XKR4: variants seen among roughly 807,000 people sequenced by gnomAD.
The protein encoded by XKR4 is XK related 4.
XKR4 carries 12 observed loss-of-function variants against 53.9 expected under a neutral mutation model. The observed-to-expected ratio is 0.22, with a 90% confidence interval of 0.14 to 0.36. The LOEUF (loss-of-function observed/expected upper bound fraction) is 0.36, where lower values mean the gene tolerates loss of function less well. Ranked by LOEUF, XKR4 falls within the 10% of genes least tolerant of loss-of-function variation. The pLI is 1.00. For missense variants in XKR4, 799 were observed against 859.5 expected, an observed-to-expected ratio of 0.93 and a Z score of 0.88; for synonymous variants, 354 against 362.4, an observed-to-expected ratio of 0.98 and a Z score of 0.26.
At chr8:55,270,168 C>T (rs1037734748) in intron 1 of XKR4, among the ~76,000 whole-genome samples, 4 of 152,088 alleles carry the variant, frequency 2.6e-5, no homozygotes, top group Non-Finnish European at 5.9e-5. Context: ...ATGCCACATG[C>T]CTAGGGGGTG....
chr8:55,389,294 C>T (rs1002171070), intron 2 of XKR4, among the ~76,000 whole-genome samples: 1 of 152,204 alleles, frequency 6.6e-6, no homozygotes, highest in African/African-American at 2.4e-5. Flanking sequence ...TATTTGGTTA[C>T]AGTAGCCCCA....
chr8:55,416,528 T>C (rs1357387093), intron 2 of XKR4, among the ~76,000 whole-genome samples: 2 of 152,190 alleles, frequency 1.3e-5, no homozygotes. Context: ...GTTTTGCTGA[T>C]AGAAAGTCAG....
intron 2 of XKR4, among the ~76,000 whole-genome samples, chr8:55,367,670 T>A (rs1156656345): frequency 6.6e-6 from 1 of 152,176 alleles, no homozygotes; most frequent in Admixed American, 6.5e-5. Context: ...TACCCATGGG[T>A]TAGTATCTCA....
intron 2 of XKR4, among the ~76,000 whole-genome samples, chr8:55,392,760 C>T (rs1333408724): frequency 2.0e-5 from 3 of 152,148 alleles, no homozygotes; most frequent in Admixed American, 6.5e-5. Flanking sequence ...CACTGCACTC[C>T]AGCCTGGGCA....
chr8:55,128,086 G>GT (rs1488266866), intron 1 of XKR4, among the ~76,000 whole-genome samples: 1 of 151,984 alleles, frequency 6.6e-6, no homozygotes, highest in Non-Finnish European at 1.5e-5. Context: ...AATCCCTTGG[G>GT]TATATACCCA....
chr8:55,281,091 T>C (rs904794879), intron 1 of XKR4, among the ~76,000 whole-genome samples: 2 of 152,184 alleles, frequency 1.3e-5, no homozygotes, highest in African/African-American at 4.8e-5. Context: ...TAGACACTAA[T>C]GGAAAAGTAA....
At chr8:55,511,389 A>G (rs1415017550) in intron 2 of XKR4, among the ~76,000 whole-genome samples, 1 of 152,222 alleles carries the variant, frequency 6.6e-6, no homozygotes, top group Non-Finnish European at 1.5e-5. Context: ...GTGTCCGTTG[A>G]GGTCCCAGGA....
At chr8:55,201,117 G>T (rs1008848848) in intron 1 of XKR4, among the ~76,000 whole-genome samples, 1 of 152,164 alleles carries the variant, frequency 6.6e-6, no homozygotes, top group African/African-American at 2.4e-5. Context: ...TTAAACAAAT[G>T]TGAATTTAAA....
intron 2 of XKR4, among the ~76,000 whole-genome samples, chr8:55,369,850 A>C (rs947153866): frequency 3.3e-5 from 5 of 152,110 alleles, no homozygotes; most frequent in African/African-American, 9.7e-5. Context: ...TGAAACCATA[A>C]GTTATTATAT....
intron 1 of XKR4, among the ~76,000 whole-genome samples, chr8:55,322,623 A>G (rs1033404256): frequency 2.0e-5 from 3 of 152,228 alleles, no homozygotes; most frequent in African/African-American, 7.2e-5. Context: ...TTGCTCTATA[A>G]TCTTACCAAA....
intron 2 of XKR4, among the ~76,000 whole-genome samples, chr8:55,466,441 C>G (rs1258041511): frequency 6.6e-5 from 10 of 151,768 alleles, no homozygotes; most frequent in Admixed American, 6.6e-4. Context: ...ACAATGAGAA[C>G]ACATGGACAC....
At chr8:55,437,979 GAAGAAGA>G (rs1273487565) in intron 2 of XKR4, among the ~76,000 whole-genome samples, 2 of 151,424 alleles carry the variant, frequency 1.3e-5, no homozygotes, top group Non-Finnish European at 2.9e-5. Context: ...AGAAGAAGAA[GAAGAAGA>G]AAGAAAGTAG....
chr8:55,446,806 C>A (rs758561230), intron 2 of XKR4, among the ~76,000 whole-genome samples: 1 of 152,144 alleles, frequency 6.6e-6, no homozygotes, highest in East Asian at 1.9e-4. Context: ...GAAAGAGATT[C>A]CTGCAGTTAT....
chr8:55,508,977 A>G (rs1806583499), intron 2 of XKR4, among the ~76,000 whole-genome samples: 1 of 152,228 alleles, frequency 6.6e-6, no homozygotes, highest in African/African-American at 2.4e-5. Flanking sequence ...CAACTTAAGT[A>G]TATAAACTTT....
At chr8:55,317,040 G>A (rs1370674847) in intron 1 of XKR4, among the ~76,000 whole-genome samples, 1 of 152,080 alleles carries the variant, frequency 6.6e-6, no homozygotes, top group African/African-American at 2.4e-5. Flanking sequence ...CCAGAGGAGG[G>A]CACCTACTAC....
intron 1 of XKR4, among the ~76,000 whole-genome samples, chr8:55,289,782 GGA>G (rs1324627175): frequency 6.9e-6 from 1 of 144,044 alleles, no homozygotes; most frequent in African/African-American, 2.6e-5. Flanking sequence ...AGAAAGAGAG[GGA>G]GGGGGAGAGA....
intron 2 of XKR4, among the ~76,000 whole-genome samples, chr8:55,502,037 T>A (rs2129403603): frequency 6.6e-6 from 1 of 152,372 alleles, no homozygotes; most frequent in South Asian, 2.1e-4. Context: ...GGAGTTGGTA[T>A]AACATATTGT....
chr8:55,118,514 A>G (rs1816343623), intron 1 of XKR4, among the ~76,000 whole-genome samples: 1 of 152,216 alleles, frequency 6.6e-6, no homozygotes, highest in Admixed American at 6.5e-5. Flanking sequence ...CCTATCTCAG[A>G]GGACCAACTC....
intron 1 of XKR4, among the ~76,000 whole-genome samples, chr8:55,265,105 C>T (rs1246914859): frequency 6.6e-6 from 1 of 152,198 alleles, no homozygotes; most frequent in Non-Finnish European, 1.5e-5. Context: ...AGCCATCTTC[C>T]ACCCTTATCC....
Sources: gnomAD v4.1 joint callset for allele counts (sites outside exome capture counted in the v4.1 genomes callset) on GRCh38, gnomAD v4.1.1 for gene constraint, MANE v1.5 for transcripts, NCBI Gene and HGNC (gene_info 2026-07-23, HGNC 2026-07-21) for gene names.